Variants in BCAS3 observed in about 807,000 individuals in gnomAD.
BCAS3 encodes the protein BCAS3 microtubule associated cell migration factor, also known as BCAS4/BCAS3 fusion.
Under a neutral mutation model 116.1 loss-of-function variants are expected in BCAS3, and 53 were observed. The ratio of observed to expected loss-of-function variants is 0.46; its 90% CI spans 0.37 to 0.57. The LOEUF (loss-of-function observed/expected upper bound fraction) is 0.57, where lower values mean the gene tolerates loss of function less well. BCAS3 is among the 20% of genes least tolerant of loss of function. The pLI is 0.00. For missense variants in BCAS3, 917 were observed against 1,165.4 expected, an observed-to-expected ratio of 0.79 and a Z score of 3.10; for synonymous variants, 391 against 408.2, an observed-to-expected ratio of 0.96 and a Z score of 0.51.
At chr17:60,936,837 TTGCTG>T in intron 13 of BCAS3, among the ~76,000 whole-genome samples, 1 of 152,344 alleles carries the variant, frequency 6.6e-6, no homozygotes, top group Non-Finnish European at 1.5e-5. Context: ...GTAGTTTCTT[TTGCTG>T]TGCAGACGCT....
intron 6 of BCAS3, among the ~76,000 whole-genome samples, chr17:60,783,449 C>A (rs1474972193): frequency 1.3e-5 from 2 of 152,168 alleles, no homozygotes; most frequent in Non-Finnish European, 2.9e-5. Context: ...AGGCAGTCTG[C>A]CTGCCTTGGG....
chr17:60,768,082 A>T (rs1408357780), intron 6 of BCAS3, among the ~76,000 whole-genome samples: 1 of 152,182 alleles, frequency 6.6e-6, no homozygotes. Flanking sequence ...GAGGTGTCAG[A>T]CACCGTGCCC....
rs942225405 is a variant in BCAS3, at chr17:61,126,204, G to A, written c.2425+41640G>A. Among the ~76,000 whole-genome samples the A allele has an allele frequency of 2.0e-5, 3 of 152,052 alleles. No individual in the cohort carries two copies. Among genetic ancestry groups the A allele is most frequent in the Admixed American group, 6.6e-5 (1 of 15,246 alleles). On this transcript the variant is annotated intron_variant, in intron 22 of 23. Transcript: ENST00000407086. The surrounding 1 kb of genome is among the most constrained non-coding windows in gnomAD (Gnocchi z 4.6). ...CAAGGGTGAGAATTTTTCCTTGCCC[G>A]TTGTGAGCAGTTTAATTCATTAGAA...
rs1243629336 is a variant in BCAS3 at position 61,098,062 on chromosome 17, G to T, written c.2425+13498G>T. On this transcript the variant is annotated intron_variant, in intron 22 of 23. Transcript: ENST00000407086. The surrounding 1 kb of genome is among the most constrained non-coding windows in gnomAD (Gnocchi z 4.2). ...GACTGGTCATTGGCTTTCCATTCCT[G>T]GCATTGATATGACTGAAAATTCTTA... 6.6e-6 allele frequency among the ~76,000 whole-genome samples: 1 copy of T among 152,122 alleles called. No homozygotes were observed. Among genetic ancestry groups the T allele is most frequent in the Admixed American group, 6.5e-5 (1 of 15,276 alleles).
At position 60,990,214 on chromosome 17, in the gene BCAS3, C is replaced by A; in HGVS notation, c.1465C>A (p.Pro489Thr). 6.2e-7 allele frequency: 1 copy of A among 1,614,002 alleles called. No homozygotes were observed. Residue 489 changes from proline (P) to threonine (T), a missense_variant, in exon 15 of 24, where the codon CCT becomes ACT. By Grantham distance (38) the Pro-to-Thr change is conservative. Transcript: ENST00000407086. This position sits in a 1 kb window ranked among gnomAD's most constrained non-coding sequence, Gnocchi z 5.1. ...CCCTGTTCCAGGTCTATCAAGCAGC[C>A]CTTCTGGGTCACCCTTGCATGGTAA... ...CSPVPGLSSS[P>T]SGSPLHGKLN...
At chr17:61,076,622 T>A (rs1291223186) in intron 20 of BCAS3, among the ~76,000 whole-genome samples, 2 of 152,230 alleles carry the variant, frequency 1.3e-5, no homozygotes, top group Non-Finnish European at 1.5e-5. Context: ...TAATGTGTGC[T>A]GTCAGTGTGA....
intron 6 of BCAS3, among the ~76,000 whole-genome samples, chr17:60,758,157 C>G (rs7219685): frequency 0.72 from 109,936 of 151,654 alleles, 45,535 homozygotes; most frequent in South Asian, 0.98. Flanking sequence ...GTTACTATAG[C>G]CTTGTAATAT....
chr17:60,877,110 C>T (rs1262271128), intron 9 of BCAS3, among the ~76,000 whole-genome samples: 1 of 151,606 alleles, frequency 6.6e-6, no homozygotes, highest in Admixed American at 6.6e-5. Context: ...TATATAGGAT[C>T]AGTACAGATC....
rs996063805 is a variant in BCAS3 at position 61,034,606 on chromosome 17, A to G, written c.1638-60A>G. On this transcript the variant is annotated intron_variant, in intron 16 of 23. Transcript: ENST00000407086. This position sits in a 1 kb window ranked among gnomAD's most constrained non-coding sequence, Gnocchi z 5.0. ...GGAATTTAAAGGAAAAACTGTCATT[A>G]CCTAAAGGAGTATCATTTCATCATG... 6.8e-7 allele frequency: 1 copy of G among 1,470,600 alleles called. No homozygotes were observed. The highest frequency in any genetic ancestry group is 9.3e-7 in the Non-Finnish European group (1 of 1,073,810). 91.1% of individuals were successfully genotyped at this position (1,470,600 alleles called of 1,614,324 possible).
At chr17:60,786,549 A>G (rs550473279) in intron 6 of BCAS3, among the ~76,000 whole-genome samples, 56 of 91,164 alleles carry the variant, frequency 6.1e-4, no homozygotes, top group South Asian at 5.9e-3. Context: ...GCAAATGTGT[A>G]TATATATATA....
chr17:60,692,787 T>C (rs943526535), intron 4 of BCAS3, among the ~76,000 whole-genome samples: 1 of 151,460 alleles, frequency 6.6e-6, no homozygotes, highest in African/African-American at 2.4e-5. Context: ...TCCCAGCTAT[T>C]CGGGAGGCTG....
chr17:60,758,730 T>G (rs2043226205), intron 6 of BCAS3, among the ~76,000 whole-genome samples: 1 of 152,150 alleles, frequency 6.6e-6, no homozygotes, highest in Non-Finnish European at 1.5e-5. Context: ...ATTTGAAAGT[T>G]TTCTACTTTT....
At position 61,249,884 on chromosome 17, in the gene BCAS3, A is replaced by G. The variant is rs531831856; in HGVS notation, c.2426-118443A>G. Among the ~76,000 whole-genome samples, 1 of 152,338 alleles carries G rather than the reference A, an allele frequency of 6.6e-6. No individual in the cohort carries two copies. Among genetic ancestry groups the G allele is most frequent in the Non-Finnish European group, 1.5e-5 (1 of 68,024 alleles). On this transcript the variant is annotated intron_variant, in intron 22 of 23. Coordinates refer to ENST00000407086, the MANE Select transcript of BCAS3 (RefSeq NM_017679.5). This position sits in a 1 kb window ranked among gnomAD's most constrained non-coding sequence, Gnocchi z 6.2. ...TGACCCAATCACATTTAAAGCTTTT[A>G]AAGCTCCCTTTTGAGATGATTTCTT...
At chr17:60,758,263 T>C (rs1190050768) in intron 6 of BCAS3, among the ~76,000 whole-genome samples, 1 of 152,212 alleles carries the variant, frequency 6.6e-6, no homozygotes. Context: ...ATTTGAGAAT[T>C]GTTTTTTCTA....
chr17:61,140,561 CAT>C lies in BCAS3; in HGVS notation c.2425+55999_2425+56000del, dbSNP rs1461735767. 6.6e-6 allele frequency among the ~76,000 whole-genome samples: 1 copy of C among 150,560 alleles called. No individual in the cohort carries two copies. Among genetic ancestry groups the C allele is most frequent in the African/African-American group, 2.4e-5 (1 of 41,094 alleles). On this transcript the variant is annotated intron_variant, in intron 22 of 23. Transcript: ENST00000407086. This position sits in a 1 kb window ranked among gnomAD's most constrained non-coding sequence, Gnocchi z 4.2. ...CAAGTGGATTCAATTTGTAAAGTCACATAAAAGTTGCTTATCTCTCCACTTTT... is the reference window on the plus strand; with the variant it reads ...CAAGTGGATTCAATTTGTAAAGTCACAAAAGTTGCTTATCTCTCCACTTTT...
chr17:60,748,091 A>T (rs2042156859), intron 6 of BCAS3, among the ~76,000 whole-genome samples: 1 of 152,138 alleles, frequency 6.6e-6, no homozygotes, highest in Non-Finnish European at 1.5e-5. Context: ...TAAAAAGAGG[A>T]TATTAAAATA....
intron 4 of BCAS3, among the ~76,000 whole-genome samples, chr17:60,690,935 AAAAC>A (rs2034728657): frequency 6.6e-6 from 1 of 151,796 alleles, no homozygotes; most frequent in Admixed American, 6.6e-5. Flanking sequence ...AACAAAAACA[AAAAC>A]AAAAACAAAA....
rs547324144 is a variant in BCAS3 at position 61,227,117 on chromosome 17, C to T, written c.2426-141210C>T. ...ACTCCATAGTTAAGCTGATGTTACGCGGTTAGCCAGAATGAACTGATTTTG... is the reference window on the plus strand; with the variant it reads ...ACTCCATAGTTAAGCTGATGTTACGTGGTTAGCCAGAATGAACTGATTTTG... On this transcript the variant is annotated intron_variant, in intron 22 of 23. Coordinates refer to ENST00000407086, the MANE Select transcript of BCAS3 (RefSeq NM_017679.5). This position sits in a 1 kb window ranked among gnomAD's most constrained non-coding sequence, Gnocchi z 6.1. Among the ~76,000 whole-genome samples the T allele has an allele frequency of 2.0e-5, 3 of 152,278 alleles. No homozygotes were observed. The highest frequency in any genetic ancestry group is 4.8e-5 in the African/African-American group (2 of 41,552).
At chr17:60,951,748 G>A (rs1402264979) in intron 14 of BCAS3, among the ~76,000 whole-genome samples, 1 of 149,270 alleles carries the variant, frequency 6.7e-6, no homozygotes, top group African/African-American at 2.5e-5. Flanking sequence ...TAGGGTCTTG[G>A]CATTTTCTTT....
Sources: gnomAD v4.1 joint callset for allele counts (sites outside exome capture counted in the v4.1 genomes callset) on GRCh38, gnomAD v4.1.1 for gene constraint, Gnocchi (gnomAD v3.1) non-coding constraint, MANE v1.5 for transcripts, NCBI Gene and HGNC (gene_info 2026-07-23, HGNC 2026-07-21) for gene names.